Variants in ICE1 observed in about 807,000 individuals in gnomAD.
ICE1 encodes interactor of little elongation complex ELL subunit 1, also known as little elongation complex subunit 1.
ICE1 carries 64 observed loss-of-function variants against 192.7 expected under a neutral mutation model. The ratio of observed to expected loss-of-function variants is 0.33; its 90% CI spans 0.27 to 0.41. The LOEUF (loss-of-function observed/expected upper bound fraction) is 0.41, where lower values mean the gene tolerates loss of function less well. Among genes scored for constraint, ICE1 ranks in the 10% least tolerant of loss-of-function variants. The probability of loss-of-function intolerance (pLI) is 1.00; values close to 1 mark genes in which losing one functional copy is unlikely to be tolerated. For missense variants in ICE1, 2,708 were observed against 2,696.0 expected (o/e 1.00, Z -0.10); for synonymous variants, 1,010 against 984.5 (o/e 1.03, Z -0.49).
intron 10 of ICE1, among the ~76,000 whole-genome samples, chr5:5,450,807 G>T (rs1738392819): frequency 6.6e-6 from 1 of 152,194 alleles, no homozygotes. Flanking sequence ...GATACTGCTA[G>T]TATGTACCTA....
intron 17 of ICE1, among the ~76,000 whole-genome samples, chr5:5,483,030 G>C (rs1739547669): frequency 6.6e-6 from 1 of 151,832 alleles, no homozygotes; most frequent in South Asian, 2.1e-4. Flanking sequence ...CGCTCTTGTT[G>C]CCCAAGCTGG....
At chr5:5,475,607 G>A (rs145019323) in intron 16 of ICE1, among the ~76,000 whole-genome samples, 185 of 152,222 alleles carry the variant, frequency 1.2e-3, no homozygotes, top group African/African-American at 4.0e-3. Context: ...TGATCCTGCC[G>A]GATAACTTGG....
intron 18 of ICE1, among the ~76,000 whole-genome samples, chr5:5,487,761 G>C (rs778036081): frequency 2.0e-5 from 3 of 152,212 alleles, no homozygotes; most frequent in Non-Finnish European, 4.4e-5. Flanking sequence ...GTGTAACCTA[G>C]AAGCTGTGGT....
At position 5,461,011 on chromosome 5, in the gene ICE1, C is replaced by G. The variant is rs752818354; in HGVS notation, c.1677C>G (p.Pro559=). 2 of 1,613,998 alleles carry G rather than the reference C, an allele frequency of 1.2e-6. No individual in the cohort carries two copies. The highest frequency in any genetic ancestry group is 1.7e-6 in the Non-Finnish European group (2 of 1,179,884). ...KTVLSKMMGS[P]KSEFTKWTRI... ...TATTGTCTAAAATGATGGGATCGCC[C>G]AAATCAGAGTTTACTAAGTGGACAC... The change falls in exon 13 of 19, where the codon CCC becomes CCG. Residue 559 remains proline, a synonymous_variant. Coordinates refer to ENST00000296564, the MANE Select transcript of ICE1 (RefSeq NM_015325.3).
intron 17 of ICE1, among the ~76,000 whole-genome samples, chr5:5,476,793 G>A (rs1162996979): frequency 2.6e-5 from 4 of 152,138 alleles, no homozygotes; most frequent in East Asian, 3.9e-4. Context: ...ACAATTCAAC[G>A]TGAGATTTGG....
chr5:5,444,300 T>G lies in ICE1; in HGVS notation c.398T>G (p.Leu133Arg), dbSNP rs1199762589. The change falls in exon 7 of 19, where the codon CTA becomes CGA. Residue 133 changes from leucine to arginine, a missense_variant. Around this residue, in one of 2 missense-constraint regions of ICE1, gnomAD observed 2,366 missense variants for 2,276.6 expected, o/e 1.04. Coordinates refer to ENST00000296564, the MANE Select transcript of ICE1 (RefSeq NM_015325.3). ...AATTTCGTTATTAGGAAGAAGAAAC[T>G]AGAAGCTAAGGTGAAGAAGCTGCAA... ...CLKSDAQKKK[L>R]EAKVKKLQEA... 1.3e-6 allele frequency: 2 copies of G among 1,566,686 alleles called. No individual in the cohort carries two copies. Among genetic ancestry groups the G allele is most frequent in the Non-Finnish European group, 1.7e-6 (2 of 1,153,652 alleles).
intron 3 of ICE1, among the ~76,000 whole-genome samples, chr5:5,438,284 C>G (rs568791945): frequency 6.6e-6 from 1 of 152,340 alleles, no homozygotes; most frequent in South Asian, 2.1e-4. Flanking sequence ...CAAGGTTCCA[C>G]CCCAGCACCT....
At chr5:5,477,175 C>T (rs1040881584) in intron 17 of ICE1, among the ~76,000 whole-genome samples, 1 of 151,836 alleles carries the variant, frequency 6.6e-6, no homozygotes, top group South Asian at 2.1e-4. Flanking sequence ...ACAGAAAAAA[C>T]CCTTCAAAAA....
At chr5:5,469,535 G>A (rs1034113741) in intron 15 of ICE1, among the ~76,000 whole-genome samples, 8 of 152,106 alleles carry the variant, frequency 5.3e-5, no homozygotes, top group African/African-American at 1.9e-4. Context: ...CCTAATGAGA[G>A]TCTAACTACC....
rs1738916416 is a variant in ICE1 at position 5,464,473 on chromosome 5, T to C, written c.5139T>C (p.Pro1713=). 2 of 1,613,930 alleles carry C rather than the reference T, an allele frequency of 1.2e-6. No individual in the cohort carries two copies. The highest frequency in any genetic ancestry group is 1.7e-6 in the Non-Finnish European group (2 of 1,179,874). The stretch of plus-strand genomic sequence containing the variant: ...CCAGTGAGAGGGTAGTGCCGTCTCC[T>C]CTGCAGTTCTGTGCGGCCACGCCGA... ...ASASERVVPS[P]LQFCAATPKH... Residue 1713 remains proline, a synonymous_variant, in exon 13 of 19, where the codon CCT becomes CCC. Coordinates refer to ENST00000296564, the MANE Select transcript of ICE1 (RefSeq NM_015325.3). The surrounding 1 kb of genome is among the most constrained non-coding windows in gnomAD (Gnocchi z 4.0).
At chr5:5,471,921 A>C (rs1353095503) in intron 15 of ICE1, among the ~76,000 whole-genome samples, 1 of 152,138 alleles carries the variant, frequency 6.6e-6, no homozygotes, top group Non-Finnish European at 1.5e-5. Context: ...TATATGTAGA[A>C]GTGACTTCCT....
chr5:5,444,433 A>G (rs1229396556), intron 7 of ICE1, 107 bp downstream of exon 7: 3 of 785,722 alleles, frequency 3.8e-6, no homozygotes, highest in Non-Finnish European at 6.4e-6. Flanking sequence ...ATGGTTTTTG[A>G]TGGTACATCC....
chr5:5,427,112 A>G (rs1737545505), intron 1 of ICE1, among the ~76,000 whole-genome samples: 1 of 152,178 alleles, frequency 6.6e-6, no homozygotes, highest in Non-Finnish European at 1.5e-5. Flanking sequence ...TAGTTGTTGA[A>G]GAGATAACAG....
At chr5:5,457,778 G>A (rs1423543957) in intron 12 of ICE1, 37 bp downstream of exon 12, 4 of 1,557,256 alleles carry the variant, frequency 2.6e-6, no homozygotes, top group Admixed American at 3.4e-5. Context: ...TACCAAGTGG[G>A]TACATTGTCT....
chr5:5,481,336 C>T (rs1219137128), intron 17 of ICE1, among the ~76,000 whole-genome samples: 1 of 151,968 alleles, frequency 6.6e-6, no homozygotes, highest in Non-Finnish European at 1.5e-5. Context: ...ATTGGTTAAT[C>T]TGGAGAGGAA....
chr5:5,466,207 C>T (rs1579569731), intron 13 of ICE1, 127 bp from the exon 14 acceptor site: 1 of 774,802 alleles, frequency 1.3e-6, no homozygotes, highest in East Asian at 3.0e-5. Context: ...CTATGCTCTA[C>T]CTTCTGATGT....
chr5:5,443,010 A>C (rs894156651), intron 5 of ICE1, among the ~76,000 whole-genome samples, 158 bp from the exon 6 acceptor site: 4 of 152,084 alleles, frequency 2.6e-5, no homozygotes, highest in Non-Finnish European at 5.9e-5. Flanking sequence ...TATTTCATCT[A>C]TTAAGAATCT....
intron 14 of ICE1, among the ~76,000 whole-genome samples, chr5:5,468,538 A>C (rs913680054): frequency 6.6e-6 from 1 of 152,260 alleles, no homozygotes; most frequent in African/African-American, 2.4e-5. Flanking sequence ...GTAATGCATA[A>C]AAACCTATGT....
chr5:5,469,567 G>A (rs1309581140), intron 15 of ICE1, among the ~76,000 whole-genome samples: 1 of 152,044 alleles, frequency 6.6e-6, no homozygotes, highest in Non-Finnish European at 1.5e-5. Flanking sequence ...TCAAGAAGAG[G>A]TACTGAAGCC....
Sources: gnomAD v4.1 joint callset for allele counts (sites outside exome capture counted in the v4.1 genomes callset) on GRCh38, gnomAD v4.1.1 for gene constraint, gnomAD v4.1.1 regional missense constraint, Gnocchi (gnomAD v3.1) non-coding constraint, MANE v1.5 for transcripts, NCBI Gene and HGNC (gene_info 2026-07-23, HGNC 2026-07-21) for gene names.